Variants in SERPINB10 observed in about 807,000 individuals in gnomAD.
SERPINB10 encodes the protein serpin B10.
SERPINB10 carries 35 observed loss-of-function variants against 39.1 expected under a neutral mutation model. That is an observed-to-expected ratio of 0.90 (90% confidence interval 0.68 to 1.19). The LOEUF is 1.19. SERPINB10 is among the 50% of genes most tolerant of loss of function. SERPINB10 has a pLI of 0.00. For missense variants in SERPINB10, 546 were observed against 460.5 expected, an observed-to-expected ratio of 1.19 and a Z score of -1.70; for synonymous variants, 190 against 158.1, an observed-to-expected ratio of 1.20 and a Z score of -1.52.
chr18:63,907,983 C>T lies in SERPINB10; in HGVS notation c.-67C>T. Reference sequence around the variant, plus strand: ...AGTTGAAAGTTTCTCAACTCTTCAGCCACAATCTCTTACTACAGGAGCAAA... The same window carrying T: ...AGTTGAAAGTTTCTCAACTCTTCAGTCACAATCTCTTACTACAGGAGCAAA... On this transcript the variant is annotated 5_prime_UTR_variant, in exon 1 of 8. Coordinates refer to ENST00000238508, the MANE Select transcript of SERPINB10 (RefSeq NM_005024.3). 3.0e-6 allele frequency: 1 copy of T among 333,084 alleles called. No homozygotes were observed. The highest frequency in any genetic ancestry group is 2.5e-5 in the South Asian group (1 of 40,472). The allele number at this position is 333,084 out of a possible 1,614,324, so 20.6% of individuals were successfully genotyped here. A position where few individuals can be genotyped will look rare whatever the true frequency, so the allele number is the denominator to read the frequency against.
At chr18:63,919,732 G>A in intron 4 of SERPINB10, 56 bp from the exon 5 acceptor site, 1 of 1,211,522 alleles carries the variant, frequency 8.3e-7, no homozygotes, top group South Asian at 1.3e-5. Flanking sequence ...AAATAGATTT[G>A]ATTTCTCAAT....
At chr18:63,909,199 T>A (rs2050046627) in intron 1 of SERPINB10, among the ~76,000 whole-genome samples, 1 of 152,086 alleles carries the variant, frequency 6.6e-6, no homozygotes, top group South Asian at 2.1e-4. Context: ...GTCTACAGGT[T>A]AAGCTCATAG....
chr18:63,911,495 A>G (rs1845008357), intron 1 of SERPINB10, among the ~76,000 whole-genome samples: 1 of 151,830 alleles, frequency 6.6e-6, no homozygotes, highest in Admixed American at 6.6e-5. Context: ...TTTTCTGGAT[A>G]TGGTTAACCA....
chr18:63,909,736 A>C (rs2050050359), intron 1 of SERPINB10, among the ~76,000 whole-genome samples: 1 of 152,048 alleles, frequency 6.6e-6, no homozygotes, highest in African/African-American at 2.4e-5. Flanking sequence ...TTTCCGTGTA[A>C]ATTTAATTCA....
rs1392709557 is a variant in SERPINB10 at position 63,931,950 on chromosome 18, C to T, written c.634-1098C>T. ...CCCTAAATTCCTGACAGCCACTGATCTTTTTTTGTTTGTACAGTTTTGGCT... is the reference window on the plus strand; with the variant it reads ...CCCTAAATTCCTGACAGCCACTGATTTTTTTTTGTTTGTACAGTTTTGGCT... On this transcript the variant is annotated intron_variant, in intron 6 of 7. Transcript: ENST00000238508. 3.9e-5 allele frequency among the ~76,000 whole-genome samples: 6 copies of T among 152,208 alleles called. No individual in the cohort carries two copies. The East Asian group carries it at 1.2e-3, about 29-fold the overall frequency.
Position 63,915,735 on chromosome 18 carries a change from C to G in SERPINB10, c.168+57C>G, listed in dbSNP as rs1599076854. The stretch of plus-strand genomic sequence containing the variant: ...CTTGTAAGCTAAGTGCTTTCATTGC[C>G]TTTTAACTTCAGTTTTCTCTTGACA... On this transcript the variant is annotated intron_variant, in intron 2 of 7. Coordinates refer to ENST00000238508, the MANE Select transcript of SERPINB10 (RefSeq NM_005024.3). 2.1e-6 allele frequency: 3 copies of G among 1,421,776 alleles called. No homozygotes were observed. The East Asian group carries it at 7.1e-5, about 34-fold the overall frequency. The allele number at this position is 1,421,776 out of a possible 1,614,324, so 88.1% of individuals were successfully genotyped here. A position where few individuals can be genotyped will look rare whatever the true frequency, so the allele number is the denominator to read the frequency against.
intron 6 of SERPINB10, among the ~76,000 whole-genome samples, chr18:63,932,421 T>C (rs2050229545): frequency 6.6e-6 from 1 of 152,200 alleles, no homozygotes; most frequent in Admixed American, 6.5e-5. Flanking sequence ...GCATTTGGTG[T>C]TTCATATTTT....
intron 6 of SERPINB10, 49 bp from the exon 7 acceptor site, chr18:63,932,999 T>C: frequency 6.4e-7 from 1 of 1,555,602 alleles, no homozygotes; most frequent in African/African-American, 1.4e-5. Context: ...GGTGGAATAC[T>C]TCTTCAATGA....
At chr18:63,914,131 A>G (rs944842134) in intron 1 of SERPINB10, among the ~76,000 whole-genome samples, 3 of 151,986 alleles carry the variant, frequency 2.0e-5, no homozygotes, top group African/African-American at 4.8e-5. Context: ...CCTTCCTCCA[A>G]CCACTTAGTT....
intron 2 of SERPINB10, 100 bp from the exon 3 acceptor site, chr18:63,917,356 T>C (rs2050111018): frequency 6.4e-6 from 4 of 620,670 alleles, no homozygotes; most frequent in Non-Finnish European, 1.1e-5. Context: ...TTATATGTTC[T>C]GCAATTATAG....
intron 1 of SERPINB10, among the ~76,000 whole-genome samples, chr18:63,909,038 G>C (rs749948601): frequency 1.3e-5 from 2 of 152,018 alleles, no homozygotes; most frequent in Non-Finnish European, 2.9e-5. Flanking sequence ...CAGACAAAAT[G>C]GGGGAGCTGG....
At chr18:63,911,983 A>G (rs575234018) in intron 1 of SERPINB10, among the ~76,000 whole-genome samples, 1 of 151,734 alleles carries the variant, frequency 6.6e-6, no homozygotes, top group East Asian at 1.9e-4. Context: ...CTTTGTAGAG[A>G]TCTTTCAATT....
At chr18:63,909,397 T>A (rs2050048012) in intron 1 of SERPINB10, among the ~76,000 whole-genome samples, 1 of 152,076 alleles carries the variant, frequency 6.6e-6, no homozygotes, top group Non-Finnish European at 1.5e-5. Flanking sequence ...TTTTTCATTG[T>A]TGGGTTAAAT....
At chr18:63,933,229 T>C in intron 7 of SERPINB10, 26 bp downstream of exon 7, 1 of 1,612,900 alleles carries the variant, frequency 6.2e-7, no homozygotes, top group African/African-American at 1.3e-5. Flanking sequence ...GTGTCTGATG[T>C]GAGGGTGTTT....
At chr18:63,933,281 C>T (rs1052698876) in intron 7 of SERPINB10, 78 bp downstream of exon 7, 17 of 1,466,516 alleles carry the variant, frequency 1.2e-5, no homozygotes, top group Non-Finnish European at 1.6e-5. Flanking sequence ...CAAGGTTTCT[C>T]CCAATTGTCC....
intron 5 of SERPINB10, among the ~76,000 whole-genome samples, chr18:63,926,238 A>C (rs2050180563): frequency 6.6e-6 from 1 of 151,822 alleles, no homozygotes; most frequent in Non-Finnish European, 1.5e-5. Flanking sequence ...CATCACTCCA[A>C]TCTTTGCCTG....
chr18:63,930,062 C>T lies in SERPINB10; in HGVS notation c.508C>T (p.Leu170=), dbSNP rs199518416. Residue 170 remains leucine, a synonymous_variant, in exon 6 of 8, where the codon CTG becomes TTG. Transcript: ENST00000238508. ...TCTTACAGGTAAAATCCAGAATCTC[C>T]TGCCTGATGACTCTGTGGATTCCAC... ...RQTEGKIQNL[L]PDDSVDSTTR... 26 of 1,613,348 alleles carry T rather than the reference C, an allele frequency of 1.6e-5. No homozygotes were observed. The highest frequency in any genetic ancestry group is 2.2e-5 in the Non-Finnish European group (26 of 1,179,612).
chr18:63,921,027 A>C (rs1183060328), intron 5 of SERPINB10, among the ~76,000 whole-genome samples: 6 of 151,980 alleles, frequency 3.9e-5, no homozygotes, highest in Admixed American at 2.0e-4. Flanking sequence ...TTCGAATATA[A>C]GTCAGCTTAG....
intron 7 of SERPINB10, among the ~76,000 whole-genome samples, chr18:63,934,311 A>T (rs954484566): frequency 2.6e-5 from 4 of 152,158 alleles, no homozygotes; most frequent in African/African-American, 9.7e-5. Flanking sequence ...AACTCACTGT[A>T]AAATAATTAC....
Sources: allele counts gnomAD v4.1 joint callset (sites outside exome capture counted in the v4.1 genomes callset), GRCh38; gene constraint gnomAD v4.1.1; transcripts MANE v1.5; gene names NCBI Gene and HGNC (gene_info 2026-07-23, HGNC 2026-07-21).